Variants in LMO1 observed in about 807,000 individuals in gnomAD.
The protein encoded by LMO1 is rhombotin-1.
LMO1 carries 10 observed loss-of-function variants against 18.0 expected under a neutral mutation model. The ratio of observed to expected loss-of-function variants is 0.55; its 90% CI spans 0.34 to 0.94. The LOEUF is 0.94. Ranked by LOEUF, LMO1 falls within the 40% of genes least tolerant of loss-of-function variation. The pLI, the probability that LMO1 is intolerant of heterozygous loss-of-function variation, is 0.02. For missense variants in LMO1, 183 were observed against 205.7 expected (o/e 0.89, Z 0.68); for synonymous variants, 77 against 77.9 (o/e 0.99, Z 0.06).
intron 1 of LMO1, among the ~76,000 whole-genome samples, chr11:8,233,131 A>G (rs1198692815): frequency 6.6e-6 from 1 of 152,162 alleles, no homozygotes; most frequent in African/African-American, 2.4e-5. Context: ...GGGGTGCTGA[A>G]CTGATTCCTG....
upstream of LMO1, among the ~76,000 whole-genome samples, chr11:8,264,274 C>A (rs977369436): frequency 1.1e-4 from 16 of 152,118 alleles, no homozygotes; most frequent in African/African-American, 3.9e-4. Flanking sequence ...CAGCAGCACC[C>A]CCAAAAGCAT....
chr11:8,254,171 A>G (rs192476313), intron 1 of LMO1, among the ~76,000 whole-genome samples: 1 of 152,350 alleles, frequency 6.6e-6, no homozygotes, highest in East Asian at 1.9e-4. Context: ...ATTAGAAATC[A>G]AGGCCTAGAA....
intron 1 of LMO1, among the ~76,000 whole-genome samples, chr11:8,248,267 C>A (rs1367105576): frequency 6.6e-6 from 1 of 152,226 alleles, no homozygotes; most frequent in Admixed American, 6.5e-5. Context: ...AGCTGGTGCT[C>A]TTGGGGGTTC....
At position 8,230,431 on chromosome 11, in the gene LMO1, G is replaced by A; in HGVS notation, c.99C>T (p.Asp33=). 6.2e-7 allele frequency: 1 copy of A among 1,614,074 alleles called. No individual in the cohort carries two copies. Among genetic ancestry groups the A allele is most frequent in the South Asian group, 1.1e-5 (1 of 91,090 alleles). Residue 33 remains aspartate, a synonymous_variant, in exon 2 of 4, where the codon GAC becomes GAT. Transcript: ENST00000335790. Reference sequence around the variant, plus strand: ...TGTCCAATGCCTTCAGCAGATAGCGGTCCTTGATCTTGCGGTTACAGCCCG... The same window carrying A: ...TGTCCAATGCCTTCAGCAGATAGCGATCCTTGATCTTGCGGTTACAGCCCG... ...GCAGCNRKIK[D]RYLLKALDKY...
intron 1 of LMO1, among the ~76,000 whole-genome samples, chr11:8,246,318 A>G (rs1180371572): frequency 6.6e-6 from 1 of 152,256 alleles, no homozygotes; most frequent in African/African-American, 2.4e-5. Context: ...AAACGAATAA[A>G]TAAAACATGG....
intron 1 of LMO1, among the ~76,000 whole-genome samples, chr11:8,259,479 T>C (rs373425735): frequency 4.6e-5 from 7 of 152,206 alleles, no homozygotes; most frequent in Admixed American, 1.3e-4. Context: ...ATGCAGATGG[T>C]AACCCTCCCG....
intron 1 of LMO1, among the ~76,000 whole-genome samples, chr11:8,243,469 T>C (rs1220382521): frequency 1.3e-5 from 2 of 152,184 alleles, no homozygotes; most frequent in Non-Finnish European, 2.9e-5. Flanking sequence ...GCTGTGAGTG[T>C]CTTGCAGTGC....
chr11:8,252,265 A>G (rs1049503676), intron 1 of LMO1, among the ~76,000 whole-genome samples: 1 of 152,092 alleles, frequency 6.6e-6, no homozygotes, highest in African/African-American at 2.4e-5. Context: ...TTAGCCTCCC[A>G]AGGGTGTTGT....
Position 8,263,812 on chromosome 11 carries a change from A to C in LMO1, c.-450T>G, listed in dbSNP as rs1590569872. ...TCGGATTTAATCTGAATCTCAATCT[A>C]AAATTATATTCAAAGAGATGGGGGA... is the stretch of plus-strand genomic sequence containing the variant. On this transcript the variant is annotated 5_prime_UTR_variant, in exon 1 of 4. Transcript: ENST00000335790. 1.9e-6 allele frequency: 2 copies of C among 1,063,844 alleles called. No individual in the cohort carries two copies. Among genetic ancestry groups the C allele is most frequent in the East Asian group, 5.1e-5 (1 of 19,672 alleles). 65.9% of individuals were successfully genotyped at this position (1,063,844 alleles called of 1,614,324 possible).
chr11:8,254,081 T>A (rs573126403), intron 1 of LMO1, among the ~76,000 whole-genome samples: 1 of 152,110 alleles, frequency 6.6e-6, no homozygotes, highest in South Asian at 2.1e-4. Context: ...CATAGCGGCG[T>A]ATGAGAGGAA....
intron 1 of LMO1, among the ~76,000 whole-genome samples, chr11:8,256,909 G>C (rs1312971585): frequency 1.3e-5 from 2 of 152,242 alleles, no homozygotes; most frequent in African/African-American, 2.4e-5. Flanking sequence ...GGGTCAGACT[G>C]GTTGTAATGA....
intron 1 of LMO1, among the ~76,000 whole-genome samples, chr11:8,242,574 G>T (rs961586109): frequency 6.6e-6 from 1 of 152,220 alleles, no homozygotes; most frequent in South Asian, 2.1e-4. Flanking sequence ...ATCCTGGGCT[G>T]CTGGAGCCAG....
At chr11:8,244,171 G>A (rs928910691) in intron 1 of LMO1, among the ~76,000 whole-genome samples, 12 of 149,574 alleles carry the variant, frequency 8.0e-5, no homozygotes, top group African/African-American at 3.1e-4. Flanking sequence ...AGGAGCACCG[G>A]GAAAGGAGGC....
chr11:8,236,208 T>TA (rs397805688), intron 1 of LMO1, among the ~76,000 whole-genome samples: 1 of 150,914 alleles, frequency 6.6e-6, no homozygotes, highest in Non-Finnish European at 1.5e-5. Flanking sequence ...TTTTTTTTTT[T>TA]AAAGACAGGG....
intron 1 of LMO1, among the ~76,000 whole-genome samples, chr11:8,230,798 A>G (rs1590525170): frequency 6.6e-6 from 1 of 151,998 alleles, no homozygotes; most frequent in Admixed American, 6.6e-5. Flanking sequence ...GTTCCTCCCT[A>G]CCATGGCCTC....
At chr11:8,251,077 A>C (rs1030934333) in intron 1 of LMO1, among the ~76,000 whole-genome samples, 5 of 152,170 alleles carry the variant, frequency 3.3e-5, no homozygotes, top group African/African-American at 1.2e-4. Flanking sequence ...AGTCCAGTGA[A>C]AGAGAAAGAG....
At chr11:8,251,646 G>A (rs925474480) in intron 1 of LMO1, among the ~76,000 whole-genome samples, 3 of 152,136 alleles carry the variant, frequency 2.0e-5, no homozygotes, top group Non-Finnish European at 4.4e-5. Context: ...AGCAGCCCCC[G>A]GCGCTGGTCC....
At chr11:8,242,311 C>G (rs551918790) in intron 1 of LMO1, among the ~76,000 whole-genome samples, 2 of 152,206 alleles carry the variant, frequency 1.3e-5, no homozygotes, top group African/African-American at 4.8e-5. Context: ...CACATAAATA[C>G]CCATCTCAGC....
chr11:8,267,226 G>A (rs1847269972), upstream of LMO1, among the ~76,000 whole-genome samples: 1 of 152,180 alleles, frequency 6.6e-6, no homozygotes, highest in South Asian at 2.1e-4. Flanking sequence ...GAAGGTTTTG[G>A]GTGTGCACTG....
Sources: gnomAD v4.1 joint callset for allele counts (sites outside exome capture counted in the v4.1 genomes callset) on GRCh38, gnomAD v4.1.1 for gene constraint, MANE v1.5 for transcripts, NCBI Gene and HGNC (gene_info 2026-07-23, HGNC 2026-07-21) for gene names.